The following CTNNA3 variants were observed in gnomAD, a reference collection of about 807,000 sequenced individuals.
The protein encoded by CTNNA3 is catenin alpha 3.
A neutral mutation model predicts 95.7 loss-of-function variants in CTNNA3; 76 were observed. The ratio of observed to expected loss-of-function variants is 0.79; its 90% CI spans 0.66 to 0.96. The LOEUF (loss-of-function observed/expected upper bound fraction) is 0.96. Among genes scored for constraint, CTNNA3 ranks in the 40% least tolerant of loss-of-function variants. CTNNA3 has a pLI of 0.00. For missense variants in CTNNA3, 1,191 were observed against 1,089.8 expected, an observed-to-expected ratio of 1.09 and a Z score of -1.31; for synonymous variants, 431 against 374.4, an observed-to-expected ratio of 1.15 and a Z score of -1.74.
Position 66,764,592 on chromosome 10 carries a change from T to G in CTNNA3, c.1281+1672A>C, listed in dbSNP as rs73307040. Reference sequence around the variant, plus strand: ...TTCAATTTTGTCAGCATAAACCAAGTTTTGCTTTCAGAGGATTTCATAAAA... The same window carrying G: ...TTCAATTTTGTCAGCATAAACCAAGGTTTGCTTTCAGAGGATTTCATAAAA... On this transcript the variant is annotated intron_variant, in intron 9 of 17. Transcript: ENST00000433211. 8.4e-3 allele frequency among the ~76,000 whole-genome samples: 1,286 copies of G among 152,244 alleles called. 18 individuals carry two copies. The highest frequency in any genetic ancestry group is 0.029 in the African/African-American group (1,208 of 41,550).
intron 10 of CTNNA3, among the ~76,000 whole-genome samples, chr10:66,618,381 G>C (rs929107936): frequency 6.6e-6 from 1 of 151,982 alleles, no homozygotes; most frequent in African/African-American, 2.4e-5. Flanking sequence ...CAATGGAACA[G>C]AACAGAGCCC....
At chr10:67,092,562 T>C (rs1857717322) in intron 7 of CTNNA3, among the ~76,000 whole-genome samples, 1 of 151,972 alleles carries the variant, frequency 6.6e-6, no homozygotes, top group Non-Finnish European at 1.5e-5. Flanking sequence ...TTTGTACAAA[T>C]ATACCTAGAT....
At chr10:66,704,438 TAAGAA>T (rs998280179) in intron 9 of CTNNA3, among the ~76,000 whole-genome samples, 4 of 152,118 alleles carry the variant, frequency 2.6e-5, no homozygotes, top group African/African-American at 9.7e-5. Context: ...GAGCAGATAA[TAAGAA>T]AATAAAAACA....
chr10:66,888,114 T>C (rs1005422586), intron 7 of CTNNA3, among the ~76,000 whole-genome samples: 3 of 152,094 alleles, frequency 2.0e-5, no homozygotes, highest in Admixed American at 6.6e-5. Context: ...GATGTGACTA[T>C]AGAAGAGTGG....
At chr10:67,742,320 T>G (rs1362659559) in intron 1 of CTNNA3, among the ~76,000 whole-genome samples, 1 of 151,054 alleles carries the variant, frequency 6.6e-6, no homozygotes, top group Non-Finnish European at 1.5e-5. Flanking sequence ...CACGGTGCAA[T>G]CAAACTAGAA....
In CTNNA3 at chr10:65,988,817, T is replaced by A; in HGVS notation, c.2160-20A>T. Reference sequence around the variant, plus strand: ...TTGCCCCTGGAAAAAAATTTATATATGTTAGCTGTGGTGTTCATGAGAAAA... The same window carrying A: ...TTGCCCCTGGAAAAAAATTTATATAAGTTAGCTGTGGTGTTCATGAGAAAA... On this transcript the variant is annotated intron_variant, in intron 15 of 17. Transcript: ENST00000433211. 1.3e-6 allele frequency: 2 copies of A among 1,567,372 alleles called. No individual in the cohort carries two copies. The highest frequency in any genetic ancestry group is 8.8e-7 in the Non-Finnish European group (1 of 1,139,226).
chr10:66,699,863 G>A (rs1185045993), intron 9 of CTNNA3, among the ~76,000 whole-genome samples: 2 of 152,004 alleles, frequency 1.3e-5, no homozygotes, highest in Non-Finnish European at 2.9e-5. Flanking sequence ...CTCCATGTTG[G>A]TCAGGCTGGT....
At chr10:67,750,242 T>G in intron 1 of CTNNA3, 1 of 1,482,692 alleles carries the variant, frequency 6.7e-7, no homozygotes, top group Non-Finnish European at 9.4e-7. Context: ...CAGCAGGACG[T>G]GAGACTTCTA....
intron 5 of CTNNA3, among the ~76,000 whole-genome samples, chr10:67,516,835 A>G (rs1343226189): frequency 6.6e-6 from 1 of 152,220 alleles, no homozygotes; most frequent in Non-Finnish European, 1.5e-5. Context: ...GATTCCACAT[A>G]TAAGTAAGAC....
intron 13 of CTNNA3, among the ~76,000 whole-genome samples, chr10:66,207,071 G>A (rs1013870676): frequency 6.6e-6 from 1 of 151,620 alleles, no homozygotes; most frequent in Admixed American, 6.6e-5. Context: ...GAGTGCAAAT[G>A]AATATTATCT....
chr10:66,001,820 A>G (rs1387558121), intron 15 of CTNNA3, among the ~76,000 whole-genome samples: 1 of 152,110 alleles, frequency 6.6e-6, no homozygotes, highest in Admixed American at 6.6e-5. Flanking sequence ...GCCAGATAAC[A>G]TCAACTGAAT....
intron 1 of CTNNA3, among the ~76,000 whole-genome samples, chr10:67,662,284 A>C (rs1165872419): frequency 6.6e-6 from 1 of 152,246 alleles, no homozygotes; most frequent in African/African-American, 2.4e-5. Context: ...ATAATAAAAT[A>C]GAATGATTTT....
chr10:66,458,666 T>C (rs574441455), intron 11 of CTNNA3, among the ~76,000 whole-genome samples: 3 of 152,332 alleles, frequency 2.0e-5, no homozygotes, highest in East Asian at 3.9e-4. Flanking sequence ...GTCTTATTAG[T>C]AGAATCAGAC....
intron 1 of CTNNA3, among the ~76,000 whole-genome samples, chr10:67,747,355 T>C (rs574036897): frequency 6.6e-6 from 1 of 152,304 alleles, no homozygotes; most frequent in East Asian, 1.9e-4. Context: ...TACAGGAGCA[T>C]TCCTCTTGGC....
chr10:66,504,498 T>C lies in CTNNA3; in HGVS notation c.1531+16119A>G, dbSNP rs192326234. The stretch of plus-strand genomic sequence containing the variant: ...CACTTGGATAGCAAGATTGATGCTG[T>C]TCTCACCAGCCTAAAGCCCCTTCAG... On this transcript the variant is annotated intron_variant, in intron 11 of 17. Transcript: ENST00000433211. Among the ~76,000 whole-genome samples, 123 of 152,298 alleles carry C rather than the reference T, an allele frequency of 8.1e-4. 1 individual carries two copies. Among genetic ancestry groups the C allele is most frequent in the African/African-American group, 2.9e-3 (122 of 41,560 alleles).
intron 13 of CTNNA3, among the ~76,000 whole-genome samples, chr10:66,205,349 C>T (rs536260819): frequency 5.3e-5 from 8 of 151,846 alleles, no homozygotes; most frequent in African/African-American, 1.5e-4. Flanking sequence ...CCACTAAAGT[C>T]ACAGTTTCCA....
chr10:66,151,199 C>G (rs915202630), intron 13 of CTNNA3, among the ~76,000 whole-genome samples: 3 of 151,798 alleles, frequency 2.0e-5, no homozygotes, highest in Non-Finnish European at 4.4e-5. Flanking sequence ...AATGTCATGT[C>G]TAAATTGATA....
intron 13 of CTNNA3, among the ~76,000 whole-genome samples, chr10:66,127,507 G>A (rs1362940368): frequency 6.6e-6 from 1 of 151,968 alleles, no homozygotes; most frequent in Non-Finnish European, 1.5e-5. Flanking sequence ...TCTCTTATCT[G>A]TATTCCTGAA....
intron 11 of CTNNA3, among the ~76,000 whole-genome samples, chr10:66,478,852 A>G (rs144546415): frequency 0.015 from 2,301 of 151,972 alleles, 36 homozygotes; most frequent in East Asian, 0.067. Context: ...ATTTTTAGTT[A>G]TATATAATTC....
Sources: gnomAD v4.1 joint callset for allele counts (sites outside exome capture counted in the v4.1 genomes callset) on GRCh38, gnomAD v4.1.1 for gene constraint, MANE v1.5 for transcripts, NCBI Gene and HGNC (gene_info 2026-07-23, HGNC 2026-07-21) for gene names.